TIAM2: variants seen among roughly 807,000 people sequenced by gnomAD.
The protein encoded by TIAM2 is rho guanine nucleotide exchange factor TIAM2.
A neutral mutation model predicts 152.9 loss-of-function variants in TIAM2; 80 were observed. The ratio of observed to expected loss-of-function variants is 0.52; its 90% confidence interval spans 0.44 to 0.63. The LOEUF (loss-of-function observed/expected upper bound fraction) is 0.63. Ranked by LOEUF, TIAM2 falls within the 30% of genes least tolerant of loss-of-function variation. The pLI is 0.00. For synonymous variants in TIAM2, 804 were observed against 838.0 expected, an observed-to-expected ratio of 0.96 and a Z score of 0.70; for missense variants, 1,965 against 2,120.1, an observed-to-expected ratio of 0.93 and a Z score of 1.44.
chr6:155,194,302 A>G (rs1451854318), intron 14 of TIAM2, among the ~76,000 whole-genome samples: 1 of 152,206 alleles, frequency 6.6e-6, no homozygotes, highest in African/African-American at 2.4e-5. Flanking sequence ...GAGCAGGGCC[A>G]GGTGACAAAG....
At chr6:155,123,458 A>G (rs1779220361) in intron 2 of TIAM2, among the ~76,000 whole-genome samples, 1 of 152,196 alleles carries the variant, frequency 6.6e-6, no homozygotes, top group South Asian at 2.1e-4. Context: ...GAGTGCTTAT[A>G]TGAGCCTCCA....
At chr6:155,103,315 C>T (rs978216533) in intron 2 of TIAM2, among the ~76,000 whole-genome samples, 2 of 152,222 alleles carry the variant, frequency 1.3e-5, no homozygotes, top group South Asian at 2.1e-4. Context: ...GCAAAACCAT[C>T]GGAAATATCT....
At chr6:155,083,911 A>G (rs533104290) in intron 1 of TIAM2, among the ~76,000 whole-genome samples, 27 of 152,214 alleles carry the variant, frequency 1.8e-4, no homozygotes, top group Non-Finnish European at 3.7e-4. Context: ...CACCAAGAGA[A>G]CCAGGCATAA....
intron 1 of TIAM2, among the ~76,000 whole-genome samples, chr6:155,004,669 T>C (rs1260618681): frequency 6.6e-6 from 1 of 152,146 alleles, no homozygotes; most frequent in Non-Finnish European, 1.5e-5. Context: ...GCTGGGATTA[T>C]AGGCATGAGC....
chr6:155,197,051 A>G (rs1781362686), intron 14 of TIAM2, among the ~76,000 whole-genome samples: 1 of 152,242 alleles, frequency 6.6e-6, no homozygotes, highest in Non-Finnish European at 1.5e-5. Flanking sequence ...AGCCCTGGCC[A>G]GCTGCCCTGG....
intron 1 of TIAM2, among the ~76,000 whole-genome samples, chr6:155,061,269 T>G (rs748717946): frequency 2.0e-5 from 3 of 147,104 alleles, no homozygotes; most frequent in Non-Finnish European, 1.5e-5. Context: ...TTTATATTTC[T>G]GTATCTATCT....
chr6:155,107,219 G>A (rs926202621), intron 2 of TIAM2, among the ~76,000 whole-genome samples: 1 of 152,004 alleles, frequency 6.6e-6, no homozygotes, highest in African/African-American at 2.4e-5. Context: ...AATTTTACAT[G>A]TGAGATAAAA....
rs1458806668 is a variant in TIAM2 at position 155,029,449 on chromosome 6, TATATATTATATATA to T, written c.-209+33964_-209+33977del. ...TACTATAGTATATATTATACTATAG[TATATATTATATATA>T]ATATATACTATAGTATATATACTAT... is the stretch of plus-strand genomic sequence containing the variant. On this transcript the variant is annotated intron_variant, in intron 1 of 26. Coordinates refer to ENST00000682666, the MANE Select transcript of TIAM2 (RefSeq NM_012454.4). Among the ~76,000 whole-genome samples the T allele has an allele frequency of 7.7e-5, 3 of 39,058 alleles. 1 individual carries two copies. Among genetic ancestry groups the T allele is most frequent in the Non-Finnish European group, 1.4e-4 (3 of 22,126 alleles). 25.6% of individuals were successfully genotyped at this position (39,058 alleles called of 152,430 possible).
chr6:155,016,385 C>T (rs1778581583), intron 1 of TIAM2: 1 of 151,954 alleles, frequency 6.6e-6, no homozygotes, highest in South Asian at 2.1e-4. Context: ...ATACTATAAT[C>T]CCATTTTTGT....
intron 7 of TIAM2, among the ~76,000 whole-genome samples, chr6:155,159,674 C>T (rs9371868): frequency 0.47 from 71,612 of 151,900 alleles, 17,371 homozygotes; most frequent in Middle Eastern, 0.55. Context: ...CTAAGGAACC[C>T]GAGCTTCTGA....
At chr6:155,231,628 C>T (rs926875913) in intron 15 of TIAM2, among the ~76,000 whole-genome samples, 1 of 149,700 alleles carries the variant, frequency 6.7e-6, no homozygotes, top group South Asian at 2.1e-4. Flanking sequence ...GTGGGCCCTG[C>T]CAGCTTCCCC....
intron 1 of TIAM2, among the ~76,000 whole-genome samples, chr6:155,036,311 TC>T (rs1776920029): frequency 6.6e-6 from 1 of 152,008 alleles, no homozygotes. Flanking sequence ...GGCGGGAAGA[TC>T]ACTTGAGGTC....
At chr6:155,117,943 T>C (rs4870354) in intron 2 of TIAM2, among the ~76,000 whole-genome samples, 65,274 of 152,076 alleles carry the variant, frequency 0.43, 15,888 homozygotes, top group East Asian at 0.66. Flanking sequence ...ACTTTAAAAT[T>C]TCACTTCATT....
chr6:155,000,771 G>A (rs1235151980), intron 1 of TIAM2, among the ~76,000 whole-genome samples: 1 of 152,166 alleles, frequency 6.6e-6, no homozygotes, highest in African/African-American at 2.4e-5. Flanking sequence ...ATCACTTGAG[G>A]TTGGGAGTTC....
At chr6:155,045,049 T>C (rs1305883910) in intron 1 of TIAM2, among the ~76,000 whole-genome samples, 2 of 148,226 alleles carry the variant, frequency 1.3e-5, no homozygotes, top group East Asian at 2.1e-4. Flanking sequence ...TTTTTCTTTT[T>C]CTTTTTTTTT....
At position 155,164,614 on chromosome 6, in the gene TIAM2, G is replaced by A. The variant is rs779537332; in HGVS notation, c.2214+14G>A. Reference sequence around the variant, plus strand: ...TTCCATGCTCTGGTAAGTTCCTGAGGAAGGCTGTTTCTGCAGCATTCGGGG... The same window carrying A: ...TTCCATGCTCTGGTAAGTTCCTGAGAAAGGCTGTTTCTGCAGCATTCGGGG... On this transcript the variant is annotated intron_variant, in intron 8 of 26. Coordinates refer to ENST00000682666, the MANE Select transcript of TIAM2 (RefSeq NM_012454.4). The A allele has an allele frequency of 1.4e-5, 23 of 1,598,498 alleles. No homozygotes were observed. In the East Asian group the frequency reaches 4.9e-4, roughly 34 times the overall value.
intron 2 of TIAM2, among the ~76,000 whole-genome samples, chr6:155,117,295 T>A (rs61531796): frequency 6.6e-6 from 1 of 150,882 alleles, no homozygotes; most frequent in Non-Finnish European, 1.5e-5. Flanking sequence ...GTGTTTAAAT[T>A]CCCTGAAATA....
intron 1 of TIAM2, among the ~76,000 whole-genome samples, chr6:155,046,649 A>G (rs1454098384): frequency 1.3e-5 from 2 of 152,054 alleles, no homozygotes; most frequent in Non-Finnish European, 2.9e-5. Context: ...GCTCTATCTT[A>G]ACAGACAGGG....
At chr6:155,017,691 A>G (rs1468145562) in intron 1 of TIAM2, among the ~76,000 whole-genome samples, 3 of 151,468 alleles carry the variant, frequency 2.0e-5, no homozygotes, top group Non-Finnish European at 4.4e-5. Context: ...TTTTTGTAGA[A>G]ACGGGGTTTC....
Sources: allele counts gnomAD v4.1 joint callset (sites outside exome capture counted in the v4.1 genomes callset), GRCh38; gene constraint gnomAD v4.1.1; transcripts MANE v1.5; gene names NCBI Gene and HGNC (gene_info 2026-07-23, HGNC 2026-07-21).